Variants in PECR observed in about 807,000 individuals in gnomAD.
PECR encodes the protein 2,4-dienoyl-CoA reductase-related protein.
In PECR, 30 loss-of-function variants were observed where a neutral mutation model predicts 35.3. The observed-to-expected ratio is 0.85, with a 90% CI of 0.64 to 1.15. The LOEUF is 1.15. PECR is among the 50% of genes most tolerant of loss of function. PECR has a pLI of 0.00. For synonymous variants in PECR, 148 were observed against 138.9 expected (o/e 1.07, Z -0.46); for missense variants, 392 against 370.8 (o/e 1.06, Z -0.47).
intron 7 of PECR, among the ~76,000 whole-genome samples, chr2:216,030,755 G>A (rs1337278039): frequency 6.7e-6 from 1 of 149,690 alleles, no homozygotes; most frequent in African/African-American, 2.5e-5. Flanking sequence ...TAGAGAGAAG[G>A]TTTCACCATG....
intron 1 of PECR, among the ~76,000 whole-genome samples, 184 bp downstream of exon 1, chr2:216,081,434 A>G (rs1457849645): frequency 1.3e-5 from 2 of 152,138 alleles, no homozygotes; most frequent in Non-Finnish European, 2.9e-5. Flanking sequence ...GAGTGGCTCC[A>G]CAATTCCTTA....
At chr2:216,044,514 A>G (rs142910084) in intron 6 of PECR, among the ~76,000 whole-genome samples, 3 of 152,280 alleles carry the variant, frequency 2.0e-5, no homozygotes, top group African/African-American at 7.2e-5. Context: ...CCAGCAACAC[A>G]CATTCAAAGG....
intron 1 of PECR, among the ~76,000 whole-genome samples, chr2:216,072,892 T>C (rs955460634): frequency 1.3e-5 from 2 of 152,354 alleles, no homozygotes; most frequent in African/African-American, 4.8e-5. Context: ...GTAGTGGGTT[T>C]GCTGAATTGA....
intron 7 of PECR, among the ~76,000 whole-genome samples, chr2:216,041,530 A>T (rs536326276): frequency 4.1e-4 from 63 of 152,228 alleles, no homozygotes; most frequent in Non-Finnish European, 6.8e-4. Flanking sequence ...ATTGTGAAAC[A>T]TATATTTGGT....
chr2:216,074,383 T>C (rs1162916801), intron 1 of PECR, among the ~76,000 whole-genome samples: 2 of 151,518 alleles, frequency 1.3e-5, no homozygotes, highest in Admixed American at 6.6e-5. Context: ...GGGGCAGAGG[T>C]TGCAGTGAGG....
chr2:216,029,864 T>C (rs528722756), intron 7 of PECR, among the ~76,000 whole-genome samples: 4 of 152,378 alleles, frequency 2.6e-5, no homozygotes, highest in African/African-American at 7.2e-5. Context: ...TGCATCATTT[T>C]ACAAGAGAGG....
chr2:216,036,699 C>G (rs934157), downstream of PECR, among the ~76,000 whole-genome samples: 27,950 of 152,166 alleles, frequency 0.18, 3,041 homozygotes, highest in Non-Finnish European at 0.25. Context: ...CAGGGGTCAG[C>G]CTTGCAGCAT....
chr2:216,066,842 T>G (rs1472081975), intron 1 of PECR, among the ~76,000 whole-genome samples: 2 of 152,142 alleles, frequency 1.3e-5, no homozygotes, highest in Non-Finnish European at 2.9e-5. Flanking sequence ...CACAAGTCAC[T>G]GCACCTGGCC....
At chr2:216,080,614 T>C (rs889916101) in intron 1 of PECR, among the ~76,000 whole-genome samples, 1 of 152,244 alleles carries the variant, frequency 6.6e-6, no homozygotes, top group African/African-American at 2.4e-5. Context: ...AGAAAGTTTG[T>C]AATAATTTAC....
chr2:216,080,648 T>G (rs1695820220), intron 1 of PECR, among the ~76,000 whole-genome samples: 1 of 152,244 alleles, frequency 6.6e-6, no homozygotes, highest in African/African-American at 2.4e-5. Context: ...CATTCCTGCA[T>G]CAACACTTTA....
chr2:216,045,871 C>T (rs1440361175), intron 6 of PECR, among the ~76,000 whole-genome samples: 3 of 152,198 alleles, frequency 2.0e-5, no homozygotes, highest in Admixed American at 6.5e-5. Flanking sequence ...CTGTAAACCA[C>T]ACTCCCTCAA....
At position 216,039,372 on chromosome 2, in the gene PECR, G is replaced by A. The variant is rs1320252851; in HGVS notation, c.827-12C>T. 6.6e-7 allele frequency: 1 copy of A among 1,503,958 alleles called. No individual in the cohort carries two copies. The highest frequency in any genetic ancestry group is 2.3e-5 in the East Asian group (1 of 44,360). The allele number at this position is 1,503,958 out of a possible 1,614,324, so 93.2% of individuals were successfully genotyped here. A position where few individuals can be genotyped will look rare whatever the true frequency, so the allele number is the denominator to read the frequency against. ...CCAGTTGTCATGATCTGTTAAAGAA[G>A]TGGAAAGCCTCCTGTCACTTGCAAA... On this transcript the variant is annotated splice_polypyrimidine_tract_variant and intron_variant, in intron 7 of 7. Transcript: ENST00000265322.
chr2:216,074,327 A>G (rs188509593), intron 1 of PECR, among the ~76,000 whole-genome samples: 10 of 152,256 alleles, frequency 6.6e-5, no homozygotes, highest in Non-Finnish European at 1.0e-4. Context: ...CACGCCTGTA[A>G]TCCCAGCTAC....
At chr2:216,030,187 G>T (rs1694658883) in intron 7 of PECR, among the ~76,000 whole-genome samples, 1 of 152,220 alleles carries the variant, frequency 6.6e-6, no homozygotes, top group African/African-American at 2.4e-5. Flanking sequence ...TATTGGGGGT[G>T]ATGGGTACTA....
chr2:216,077,997 A>C (rs1248174628), intron 1 of PECR, among the ~76,000 whole-genome samples: 1 of 151,544 alleles, frequency 6.6e-6, no homozygotes, highest in Non-Finnish European at 1.5e-5. Context: ...TGAAGTAAAA[A>C]AGAAAACACC....
At chr2:216,042,976 T>TGA in intron 7 of PECR, among the ~76,000 whole-genome samples, 1 of 70,842 alleles carries the variant, frequency 1.4e-5, no homozygotes, top group East Asian at 3.9e-4. Context: ...CATACGTATA[T>TGA]GTGTATATAT....
chr2:216,038,062 G>A (rs1053940542), downstream of PECR, among the ~76,000 whole-genome samples: 2 of 152,060 alleles, frequency 1.3e-5, no homozygotes, highest in African/African-American at 4.8e-5. Flanking sequence ...TCCAGCCTGG[G>A]TGACAGAGTG....
intron 1 of PECR, among the ~76,000 whole-genome samples, chr2:216,077,699 C>T (rs1374360308): frequency 7.0e-6 from 1 of 143,220 alleles, no homozygotes; most frequent in African/African-American, 2.6e-5. Flanking sequence ...CCCAGCTACT[C>T]AGGAGGCTGA....
intron 7 of PECR, among the ~76,000 whole-genome samples, chr2:216,043,105 A>G (rs1694927709): frequency 6.9e-6 from 1 of 145,626 alleles, no homozygotes; most frequent in African/African-American, 2.6e-5. Flanking sequence ...ATGTATGCGT[A>G]TATATATATA....
Sources: allele counts gnomAD v4.1 joint callset (sites outside exome capture counted in the v4.1 genomes callset), GRCh38; gene constraint gnomAD v4.1.1; transcripts MANE v1.5; gene names NCBI Gene and HGNC (gene_info 2026-07-23, HGNC 2026-07-21).